DAB2IP: variants seen among roughly 807,000 people sequenced by gnomAD.
DAB2IP encodes the protein DAB2 interacting protein.
A neutral mutation model predicts 107.2 loss-of-function variants in DAB2IP; 28 were observed. The ratio of observed to expected loss-of-function variants is 0.26; its 90% CI spans 0.19 to 0.36. The LOEUF (loss-of-function observed/expected upper bound fraction) is 0.36. DAB2IP is among the 10% of genes least tolerant of loss of function. The pLI, the probability that DAB2IP is intolerant of heterozygous loss-of-function variation, is 1.00. For synonymous variants in DAB2IP, 755 were observed against 706.4 expected, an observed-to-expected ratio of 1.07 and a Z score of -1.09; for missense variants, 1,400 against 1,644.7, an observed-to-expected ratio of 0.85 and a Z score of 2.57.
chr9:121,578,690 A>T (rs916928834), intron 1 of DAB2IP, among the ~76,000 whole-genome samples: 1 of 102,928 alleles, frequency 9.7e-6, no homozygotes, highest in African/African-American at 3.8e-5. Flanking sequence ...CTCCCATCCC[A>T]TCCTCACTGC....
At chr9:121,592,690 G>A (rs1277557445) in intron 1 of DAB2IP, among the ~76,000 whole-genome samples, 2 of 152,204 alleles carry the variant, frequency 1.3e-5, no homozygotes, top group Non-Finnish European at 2.9e-5. Flanking sequence ...TATCCTGTGT[G>A]TTGCCTTGAT....
At chr9:121,766,353 T>A in intron 8 of DAB2IP, 141 bp from the exon 9 acceptor site, 1 of 732,708 alleles carries the variant, frequency 1.4e-6, no homozygotes, top group Non-Finnish European at 2.3e-6. Flanking sequence ...GATGGCTGTG[T>A]CCTCAGAGCT....
rs927532062 is a variant in DAB2IP, at chr9:121,774,117, C to T, written c.2968-143C>T. On this transcript the variant is annotated intron_variant, in intron 12 of 15. Coordinates refer to ENST00000408936, the Ensembl canonical transcript of DAB2IP. The stretch of plus-strand genomic sequence containing the variant: ...GACAGTTCCCGGGTGGGGACTGCCT[C>T]GGTAGGCGCTCAGTCAGCTGGAGGT... 34 of 956,100 alleles carry T rather than the reference C, an allele frequency of 3.6e-5. No homozygotes were observed. The East Asian group carries it at 3.7e-4, about 10-fold the overall frequency. The allele number at this position is 956,100 out of a possible 1,614,324, so 59.2% of individuals were successfully genotyped here.
Position 121,736,530 on chromosome 9 carries a change from C to T in DAB2IP, c.363-20483C>T, listed in dbSNP as rs1454317722. 7.7e-6 allele frequency among the ~76,000 whole-genome samples: 1 copy of T among 129,748 alleles called. No homozygotes were observed. Among genetic ancestry groups the T allele is most frequent in the Admixed American group, 9.7e-5 (1 of 10,360 alleles). The allele number at this position is 129,748 out of a possible 152,430, so 85.1% of individuals were successfully genotyped here. Reference sequence around the variant, plus strand: ...CTGCCGGGCCTGGGAAGGGCTGGGCCTACTGCTGTGGGGTGGGGGGCGGGT... The same window carrying T: ...CTGCCGGGCCTGGGAAGGGCTGGGCTTACTGCTGTGGGGTGGGGGGCGGGT... On this transcript the variant is annotated intron_variant, in intron 3 of 15. Transcript: ENST00000408936. This position sits in a 1 kb window ranked among gnomAD's most constrained non-coding sequence, Gnocchi z 4.6.
chr9:121,693,679 GT>G (rs1160749235), intron 2 of DAB2IP, among the ~76,000 whole-genome samples: 1 of 152,190 alleles, frequency 6.6e-6, no homozygotes. Context: ...AGCTTAACGG[GT>G]GACAAAGTTC....
intron 5 of DAB2IP, 75 bp from the exon 6 acceptor site, chr9:121,759,810 T>C: frequency 7.2e-7 from 1 of 1,392,156 alleles, no homozygotes; most frequent in Non-Finnish European, 9.8e-7. Flanking sequence ...CTGAGGACTC[T>C]CTCAGGCTCT....
chr9:121,653,356 G>T (rs1472814738), intron 1 of DAB2IP, among the ~76,000 whole-genome samples: 1 of 151,860 alleles, frequency 6.6e-6, no homozygotes, highest in Non-Finnish European at 1.5e-5. Context: ...ATTTAATTCT[G>T]TACTTGCTAA....
At position 121,778,621 on chromosome 9, in the gene DAB2IP, C is replaced by G. The variant is rs921588419; in HGVS notation, c.3314+2230C>G. On this transcript the variant is annotated intron_variant, in intron 14 of 15. Transcript: ENST00000408936. ...TTATTAGCTTTATCTCTTTGTTGCT[C>G]TAGGGCAGGGATTGGCAAACTTTCT... 6.6e-5 allele frequency among the ~76,000 whole-genome samples: 10 copies of G among 152,136 alleles called. 1 individual carries two copies. The Middle Eastern group carries it at 0.017, about 259-fold the overall frequency.
At chr9:121,639,965 A>C (rs924203680) in intron 1 of DAB2IP, among the ~76,000 whole-genome samples, 79 of 152,102 alleles carry the variant, frequency 5.2e-4, no homozygotes, top group Admixed American at 1.1e-3. Flanking sequence ...ACTTTAACCC[A>C]CATCCCAGGG....
intron 8 of DAB2IP, among the ~76,000 whole-genome samples, chr9:121,765,858 G>A (rs1437304835): frequency 3.9e-5 from 6 of 152,300 alleles, no homozygotes; most frequent in Admixed American, 1.3e-4. Context: ...ATCACCCTGG[G>A]GCAGTCACTA....
At chr9:121,740,096 A>T (rs545756108) in intron 3 of DAB2IP, among the ~76,000 whole-genome samples, 1 of 152,322 alleles carries the variant, frequency 6.6e-6, no homozygotes, top group Admixed American at 6.5e-5. Context: ...TGGCGGGGAC[A>T]GCAGTGAGCA....
chr9:121,624,322 G>A (rs974869558), intron 1 of DAB2IP, among the ~76,000 whole-genome samples: 15 of 152,368 alleles, frequency 9.8e-5, no homozygotes, highest in African/African-American at 2.4e-4. Flanking sequence ...GTGGCAAGGA[G>A]GAAGGCATGC....
chr9:121,671,255 G>A (rs1369025520), intron 1 of DAB2IP, among the ~76,000 whole-genome samples: 2 of 152,208 alleles, frequency 1.3e-5, no homozygotes, highest in Non-Finnish European at 2.9e-5. Context: ...AGAATTGCTT[G>A]AACCCAGGAG....
intron 3 of DAB2IP, among the ~76,000 whole-genome samples, chr9:121,724,995 AG>A (rs1221795153): frequency 1.3e-5 from 2 of 152,134 alleles, no homozygotes; most frequent in Non-Finnish European, 2.9e-5. Flanking sequence ...AACCCTTGCA[AG>A]ACAGTCTCTG....
At chr9:121,632,386 G>T (rs188563163) in intron 1 of DAB2IP, among the ~76,000 whole-genome samples, 19 of 152,188 alleles carry the variant, frequency 1.2e-4, no homozygotes, top group African/African-American at 3.9e-4. Flanking sequence ...CCAGTGGACT[G>T]GAGGAGATGC....
intron 1 of DAB2IP, among the ~76,000 whole-genome samples, chr9:121,661,597 CT>C (rs1838854555): frequency 6.6e-6 from 1 of 152,058 alleles, no homozygotes; most frequent in Non-Finnish European, 1.5e-5. Flanking sequence ...CTGGAAGAGG[CT>C]CTCTTCCAGA....
chr9:121,765,278 C>T (rs1834201084), intron 8 of DAB2IP, among the ~76,000 whole-genome samples: 1 of 152,236 alleles, frequency 6.6e-6, no homozygotes, highest in Non-Finnish European at 1.5e-5. Context: ...TCCATTTCCT[C>T]TTTCTGGCAT....
intron 1 of DAB2IP, among the ~76,000 whole-genome samples, chr9:121,655,438 A>G (rs1393445166): frequency 6.6e-6 from 1 of 152,208 alleles, no homozygotes; most frequent in African/African-American, 2.4e-5. Context: ...TTAAGCACCT[A>G]CTATGTGCTG....
chr9:121,658,839 T>C (rs567511291), intron 1 of DAB2IP, among the ~76,000 whole-genome samples: 5 of 152,282 alleles, frequency 3.3e-5, no homozygotes, highest in South Asian at 2.1e-4. Context: ...CTGGGTTTTA[T>C]TGGGGATGGG....
Sources: gnomAD v4.1 joint callset for allele counts (sites outside exome capture counted in the v4.1 genomes callset) on GRCh38, gnomAD v4.1.1 for gene constraint, Gnocchi (gnomAD v3.1) non-coding constraint, MANE v1.5 for transcripts, NCBI Gene and HGNC (gene_info 2026-07-23, HGNC 2026-07-21) for gene names.